TARM1: variants seen among roughly 807,000 people sequenced by gnomAD.
The protein encoded by TARM1 is T cell-interacting, activating receptor on myeloid cells 1.
A neutral mutation model predicts 30.4 loss-of-function variants in TARM1; 24 were observed. The observed-to-expected ratio is 0.79, with a 90% CI of 0.57 to 1.11. TARM1 has a LOEUF of 1.11. Among genes scored for constraint, TARM1 ranks in the 50% least tolerant of loss-of-function variants. The probability of loss-of-function intolerance (pLI) is 0.00; values close to 1 mark genes in which losing one functional copy is unlikely to be tolerated. For synonymous variants in TARM1, 129 were observed against 138.9 expected, an observed-to-expected ratio of 0.93 and a Z score of 0.50; for missense variants, 323 against 332.8, an observed-to-expected ratio of 0.97 and a Z score of 0.23.
At chr19:54,080,486 G>GA (rs2072097802) in intron 1 of TARM1, among the ~76,000 whole-genome samples, 1 of 92,140 alleles carries the variant, frequency 1.1e-5, no homozygotes. Context: ...GAGAGAGAGA[G>GA]GAAGGAAGGG....
Position 54,070,115 on chromosome 19 carries a change from A to G in TARM1, c.704T>C (p.Val235Ala). 1.9e-6 allele frequency: 3 copies of G among 1,551,692 alleles called. No individual in the cohort carries two copies. The highest frequency in any genetic ancestry group is 2.6e-6 in the Non-Finnish European group (3 of 1,146,994). Residue 235 changes from valine (V) to alanine (A), a missense_variant, in exon 5 of 5, where the codon GTA becomes GCA. By Grantham distance (64) the Val-to-Ala change is moderately conservative. Transcript: ENST00000432826. ...AATTACGGCAGCCAGACCCAGTCGT[A>G]CGAAGTTACCCAGGGAGTAGTTGCT... is the stretch of plus-strand genomic sequence containing the variant. ...TSSNYSLGNF[V>A]RLGLAAVIVV...
At position 54,076,131 on chromosome 19, in the gene TARM1, G is replaced by C. The variant is rs587771792; in HGVS notation, c.35-213C>G. On this transcript the variant is annotated intron_variant, in intron 1 of 4. Coordinates refer to ENST00000432826, the MANE Select transcript of TARM1 (RefSeq NM_001135686.3). The stretch of plus-strand genomic sequence containing the variant: ...CCCAGAGATTCTCCTTGACCATCCT[G>C]TGTGGCTGTCACCTCCCCCTGCTCC... The C allele has an allele frequency of 1.3e-4, 187 of 1,477,328 alleles. 7 individuals carry two copies. In the South Asian group the frequency reaches 2.5e-3, roughly 20 times the overall value. 91.5% of individuals were successfully genotyped at this position (1,477,328 alleles called of 1,614,324 possible). A position where few individuals can be genotyped will look rare whatever the true frequency, so the allele number is the denominator to read the frequency against.
intron 1 of TARM1, 85 bp from the exon 2 acceptor site, chr19:54,076,003 T>C (rs1271000774): frequency 1.3e-6 from 2 of 1,517,030 alleles, no homozygotes; most frequent in East Asian, 2.5e-5. Context: ...CGTCCCAGAG[T>C]CTCCTGCTGA....
chr19:54,081,327 A>C lies in TARM1; in HGVS notation c.14T>G (p.Leu5Arg). MIPK[L>R]LSLLCFRLCV... ...CTTACTGAAACAGAGGAGGGAAAGCAGCTTAGGGATCATGATGGCTCCTTA... is the reference window on the plus strand; with the variant it reads ...CTTACTGAAACAGAGGAGGGAAAGCCGCTTAGGGATCATGATGGCTCCTTA... The change falls in exon 1 of 5, where the codon CTG (leucine) becomes CGG (arginine). Residue 5 changes from leucine to arginine, a missense_variant. Physicochemically the swap from Leu to Arg is moderately radical, Grantham distance 102. Coordinates refer to ENST00000432826, the MANE Select transcript of TARM1 (RefSeq NM_001135686.3). 11 of 1,545,134 alleles carry C rather than the reference A, an allele frequency of 7.1e-6. No homozygotes were observed. Among genetic ancestry groups the C allele is most frequent in the Non-Finnish European group, 9.6e-6 (11 of 1,144,642 alleles).
intron 2 of TARM1, among the ~76,000 whole-genome samples, chr19:54,075,590 C>A (rs1388872545): frequency 3.3e-5 from 5 of 151,306 alleles, no homozygotes; most frequent in Non-Finnish European, 5.9e-5. Context: ...GTCATGAGAT[C>A]GAGACCATCC....
At chr19:54,079,265 GAAA>G (rs587622719) in intron 1 of TARM1, among the ~76,000 whole-genome samples, 7 of 112,022 alleles carry the variant, frequency 6.2e-5, no homozygotes, top group Middle Eastern at 4.3e-3. Context: ...CTCCATCTCC[GAAA>G]AAAAAAAAAA....
intron 1 of TARM1, among the ~76,000 whole-genome samples, chr19:54,079,896 C>T (rs1455164372): frequency 1.3e-5 from 2 of 151,182 alleles, no homozygotes. Context: ...CTCAGCTACC[C>T]AGGAGGCTGA....
intron 2 of TARM1, among the ~76,000 whole-genome samples, chr19:54,075,517 GGGTGC>G (rs1314033216): frequency 1.3e-5 from 2 of 151,444 alleles, no homozygotes; most frequent in Admixed American, 1.3e-4. Context: ...GAAGCGGGCT[GGGTGC>G]GGTGGCTCAC....
chr19:54,071,406 G>A (rs995009802), intron 4 of TARM1, among the ~76,000 whole-genome samples: 1 of 152,028 alleles, frequency 6.6e-6, no homozygotes. Context: ...GCATCCTTAT[G>A]TTAAGGAATA....
At chr19:54,076,246 C>G (rs1009673195) in intron 1 of TARM1, 2 of 1,483,682 alleles carry the variant, frequency 1.3e-6, no homozygotes, top group Admixed American at 2.1e-5. Flanking sequence ...TTTTTCTTTC[C>G]TTTCTTTCTT....
intron 1 of TARM1, chr19:54,076,423 C>T (rs587664740): frequency 3.4e-5 from 17 of 500,268 alleles, no homozygotes; most frequent in Admixed American, 1.2e-4. Context: ...AGTAGAGTGA[C>T]GCAATCTCGG....
rs1275884676 is a variant in TARM1, at chr19:54,074,083, C to A, written c.495G>T (p.Thr165=). 3.9e-6 allele frequency: 6 copies of A among 1,551,538 alleles called. No individual in the cohort carries two copies. Among genetic ancestry groups the A allele is most frequent in the African/African-American group, 1.4e-5 (1 of 73,036 alleles). Residue 165 remains threonine (T), a synonymous_variant, in exon 4 of 5, where the codon ACG becomes ACT. Coordinates refer to ENST00000432826, the MANE Select transcript of TARM1 (RefSeq NM_001135686.3). ...PIMFALLKAG[T]PSPIQLQSPA... Reference sequence around the variant, plus strand: ...GACTCTGCAGCTGGATGGGTGATGGCGTCCCTGCCTTCAGTAGAGCGAACA... The same window carrying A: ...GACTCTGCAGCTGGATGGGTGATGGAGTCCCTGCCTTCAGTAGAGCGAACA...
chr19:54,078,320 GGACTAC>G, intron 1 of TARM1, among the ~76,000 whole-genome samples: 1 of 150,784 alleles, frequency 6.6e-6, no homozygotes, highest in South Asian at 2.1e-4. Flanking sequence ...CGAGTAGCTG[GGACTAC>G]AGCTGCACAC....
At chr19:54,077,739 GTTTT>G (rs1185350896) in intron 1 of TARM1, among the ~76,000 whole-genome samples, 1 of 117,628 alleles carries the variant, frequency 8.5e-6, no homozygotes. Context: ...CTTTTTCTTC[GTTTT>G]TTTTTTTTTT....
chr19:54,071,393 C>T (rs2071808056), intron 4 of TARM1, among the ~76,000 whole-genome samples: 1 of 152,202 alleles, frequency 6.6e-6, no homozygotes, highest in Admixed American at 6.5e-5. Flanking sequence ...CTTTTCTCCT[C>T]CCGCATCCTT....
chr19:54,073,655 G>A (rs1330049366), intron 4 of TARM1, among the ~76,000 whole-genome samples: 1 of 151,516 alleles, frequency 6.6e-6, no homozygotes, highest in Admixed American at 6.6e-5. Context: ...CATCATACCT[G>A]GCTAATTTTT....
At chr19:54,079,265 G>GA (rs587622719) in intron 1 of TARM1, among the ~76,000 whole-genome samples, 39,782 of 111,690 alleles carry the variant, frequency 0.36, 7,143 homozygotes, top group East Asian at 0.68. Flanking sequence ...CTCCATCTCC[G>GA]AAAAAAAAAA....
rs587758095 is a variant in TARM1, at chr19:54,074,262, T to C, written c.362-46A>G. 1.3e-5 allele frequency: 19 copies of C among 1,509,122 alleles called. No individual in the cohort carries two copies. The African/African-American group carries it at 1.8e-4, about 14-fold the overall frequency. 93.5% of individuals were successfully genotyped at this position (1,509,122 alleles called of 1,614,324 possible). ...TGAGGTCCTGGGGAGAAGTCTGGAATCCCCCACTCACCCCTGTTCTCCTGG... is the reference window on the plus strand; with the variant it reads ...TGAGGTCCTGGGGAGAAGTCTGGAACCCCCCACTCACCCCTGTTCTCCTGG... On this transcript the variant is annotated intron_variant, in intron 3 of 4. Coordinates refer to ENST00000432826, the MANE Select transcript of TARM1 (RefSeq NM_001135686.3).
At chr19:54,078,331 G>C (rs2146222738) in intron 1 of TARM1, among the ~76,000 whole-genome samples, 1 of 150,330 alleles carries the variant, frequency 6.7e-6, no homozygotes, top group East Asian at 2.0e-4. Flanking sequence ...GACTACAGCT[G>C]CACACCACCA....
Sources: allele counts gnomAD v4.1 joint callset (sites outside exome capture counted in the v4.1 genomes callset), GRCh38; gene constraint gnomAD v4.1.1; transcripts MANE v1.5; gene names NCBI Gene and HGNC (gene_info 2026-07-23, HGNC 2026-07-21).